Variants in ADAMTS16 observed in about 807,000 individuals in gnomAD.
The protein encoded by ADAMTS16 is ADAM metallopeptidase with thrombospondin type 1 motif 16.
ADAMTS16 carries 94 observed loss-of-function variants against 145.8 expected under a neutral mutation model. The observed-to-expected ratio is 0.64, with a 90% CI of 0.55 to 0.77. The LOEUF (loss-of-function observed/expected upper bound fraction) is 0.77, where lower values mean the gene tolerates loss of function less well. Ranked by LOEUF, ADAMTS16 falls within the 30% of genes least tolerant of loss-of-function variation. ADAMTS16 has a pLI of 0.00. For missense variants in ADAMTS16, 1,585 were observed against 1,591.5 expected (o/e 1.00, Z 0.07); for synonymous variants, 659 against 604.3 (o/e 1.09, Z -1.33).
At chr5:5,224,828 G>A (rs1373934748) in intron 11 of ADAMTS16, among the ~76,000 whole-genome samples, 1 of 152,126 alleles carries the variant, frequency 6.6e-6, no homozygotes, top group Non-Finnish European at 1.5e-5. Context: ...GAAACACAAG[G>A]TGGTCCTCCA....
chr5:5,247,861 C>T (rs1030432656), intron 17 of ADAMTS16, among the ~76,000 whole-genome samples: 3 of 152,244 alleles, frequency 2.0e-5, no homozygotes, highest in African/African-American at 7.2e-5. Flanking sequence ...CCTCAGCCTC[C>T]AAGCTCTAGT....
rs1210316588 is a variant in ADAMTS16 at position 5,236,950 on chromosome 5, G to T, written c.2024-19G>T. 1.9e-6 allele frequency: 3 copies of T among 1,600,246 alleles called. No homozygotes were observed. Among genetic ancestry groups the T allele is most frequent in the Non-Finnish European group, 2.6e-6 (3 of 1,173,792 alleles). On this transcript the variant is annotated intron_variant, in intron 13 of 22. Transcript: ENST00000274181. ...AAGTATTTTTCTTATTTGTGTTTGT[G>T]TGTGTATTTCTTTTTAAGATCAGGA...
intron 4 of ADAMTS16, among the ~76,000 whole-genome samples, chr5:5,184,154 C>T (rs1054173901): frequency 6.6e-6 from 1 of 152,142 alleles, no homozygotes; most frequent in Non-Finnish European, 1.5e-5. Flanking sequence ...TCCTCAGGGC[C>T]CTGTGTCACC....
Position 5,222,844 on chromosome 5 carries a change from T to G in ADAMTS16, c.1661T>G (p.Phe554Cys). ...ATTGGAAGGAAATGTGAGACTAAAT[T>G]TATGCCAGCAGCAGAAGGCACAATT... The part of the protein sequence containing the change: ...HRIGRKCETK[F>C]MPAAEGTICG... The change falls in exon 11 of 23, where the codon TTT becomes TGT. Residue 554 changes from phenylalanine (F) to cysteine (C), a missense_variant. Coordinates refer to ENST00000274181, the MANE Select transcript of ADAMTS16 (RefSeq NM_139056.4). 6.2e-7 allele frequency: 1 copy of G among 1,614,140 alleles called. No homozygotes were observed. The highest frequency in any genetic ancestry group is 1.1e-5 in the South Asian group (1 of 91,082).
chr5:5,217,067 AC>A (rs1736459790), intron 10 of ADAMTS16, among the ~76,000 whole-genome samples: 1 of 152,064 alleles, frequency 6.6e-6, no homozygotes, highest in Admixed American at 6.5e-5. Context: ...CAATAAACAT[AC>A]TTTGACAAAC....
intron 18 of ADAMTS16, among the ~76,000 whole-genome samples, chr5:5,285,961 T>C (rs890445794): frequency 3.3e-5 from 5 of 152,236 alleles, no homozygotes; most frequent in Non-Finnish European, 7.3e-5. Context: ...TGCAATTCTC[T>C]GTTGCGACTT....
rs188248706 is a variant in ADAMTS16 at position 5,248,586 on chromosome 5, T to C, written c.2662+6395T>C. Among the ~76,000 whole-genome samples the C allele has an allele frequency of 9.8e-4, 150 of 152,354 alleles. 1 individual carries two copies. In the South Asian group the frequency reaches 0.024, roughly 24 times the overall value. Reference sequence around the variant, plus strand: ...TTTCTTTCTGACAAAGTTAAGTGATTGTAAGTACTGCTGAGAAGTTGCTTC... The same window carrying C: ...TTTCTTTCTGACAAAGTTAAGTGATCGTAAGTACTGCTGAGAAGTTGCTTC... On this transcript the variant is annotated intron_variant, in intron 17 of 22. Transcript: ENST00000274181.
At chr5:5,288,119 T>C (rs1236904681) in intron 18 of ADAMTS16, among the ~76,000 whole-genome samples, 2 of 151,594 alleles carry the variant, frequency 1.3e-5, no homozygotes, top group Non-Finnish European at 2.9e-5. Context: ...AAGGAAGGAG[T>C]CGTCACAGCG....
At chr5:5,191,655 A>G (rs768512108) in intron 7 of ADAMTS16, 30 bp from the exon 8 acceptor site, 3 of 1,531,952 alleles carry the variant, frequency 2.0e-6, no homozygotes, top group East Asian at 4.5e-5. Context: ...CAACACCGCT[A>G]TGTGTTCTTT....
In ADAMTS16 at chr5:5,239,766, G is replaced by T; in HGVS notation, c.2364G>T (p.Val788=). 2 of 1,614,120 alleles carry T rather than the reference G, an allele frequency of 1.2e-6. No homozygotes were observed. The highest frequency in any genetic ancestry group is 3.3e-4 in the Middle Eastern group (2 of 6,062). The change falls in exon 16 of 23, where the codon GTG becomes GTT. Residue 788 remains valine (V), a synonymous_variant. Transcript: ENST00000274181. ...EMNVSTSYIS[V]RNALRRYYLN... Reference sequence around the variant, plus strand: ...ACGTCTCTACCTCCTACATTTCTGTGCGCAATGCCCTCAGAAGGTACTACC... The same window carrying T: ...ACGTCTCTACCTCCTACATTTCTGTTCGCAATGCCCTCAGAAGGTACTACC...
intron 3 of ADAMTS16, among the ~76,000 whole-genome samples, chr5:5,165,114 C>T (rs77769694): frequency 1.3e-5 from 2 of 152,246 alleles, no homozygotes; most frequent in East Asian, 1.9e-4. Flanking sequence ...AGCAGTCACT[C>T]CAGCCCCACC....
At chr5:5,199,511 G>A (rs902216206) in intron 8 of ADAMTS16, among the ~76,000 whole-genome samples, 2 of 152,204 alleles carry the variant, frequency 1.3e-5, no homozygotes, top group Admixed American at 1.3e-4. Context: ...GACAGATTCA[G>A]GTCAAGCACA....
chr5:5,316,838 G>A (rs555524283), intron 21 of ADAMTS16, among the ~76,000 whole-genome samples: 1 of 152,312 alleles, frequency 6.6e-6, no homozygotes, highest in Non-Finnish European at 1.5e-5. Context: ...GGCTTGTCAA[G>A]GGCATTCCCT....
intron 3 of ADAMTS16, among the ~76,000 whole-genome samples, chr5:5,168,084 C>A (rs1376178986): frequency 6.6e-6 from 1 of 152,020 alleles, no homozygotes; most frequent in South Asian, 2.1e-4. Context: ...AATTGAAAAG[C>A]GTAACAAATA....
chr5:5,289,160 C>T (rs1222827167), intron 18 of ADAMTS16, among the ~76,000 whole-genome samples: 3 of 152,060 alleles, frequency 2.0e-5, no homozygotes, highest in African/African-American at 7.2e-5. Flanking sequence ...CATCTGTCCA[C>T]ATCATTGGTT....
chr5:5,182,199 C>A lies in ADAMTS16; in HGVS notation c.657C>A (p.Val219=). The A allele has an allele frequency of 6.2e-7, 1 of 1,614,172 alleles. No homozygotes were observed. The highest frequency in any genetic ancestry group is 8.5e-7 in the Non-Finnish European group (1 of 1,180,038). ...CCCATGCTCCTGGGGCCAGTGAGGT[C>A]CTGGTGACCTCAAGGACATGGGAGC... ...TEPHAPGASE[V]LVTSRTWELA... Residue 219 remains valine, a synonymous_variant, in exon 4 of 23, where the codon GTC becomes GTA. Transcript: ENST00000274181.
At chr5:5,183,539 G>T (rs537164918) in intron 4 of ADAMTS16, among the ~76,000 whole-genome samples, 2 of 152,218 alleles carry the variant, frequency 1.3e-5, no homozygotes, top group Admixed American at 1.3e-4. Context: ...TAGCAGGGCC[G>T]TCTTAACCGC....
At chr5:5,155,029 A>G (rs1057263304) in intron 3 of ADAMTS16, among the ~76,000 whole-genome samples, 1 of 152,142 alleles carries the variant, frequency 6.6e-6, no homozygotes, top group Admixed American at 6.5e-5. Context: ...TGCTCAAGCA[A>G]AAGTCCAGTA....
rs1738708166 is a variant in ADAMTS16 at position 5,276,631 on chromosome 5, G to T, written c.2789+13848G>T. On this transcript the variant is annotated intron_variant, in intron 18 of 22. Transcript: ENST00000274181. Reference sequence around the variant, plus strand: ...CAGGCCGAGAGCCAGGCGCTACGCAGCAGACACACTAGCATGGACAGTCTC... The same window carrying T: ...CAGGCCGAGAGCCAGGCGCTACGCATCAGACACACTAGCATGGACAGTCTC... Among the ~76,000 whole-genome samples the T allele has an allele frequency of 2.0e-5, 3 of 152,186 alleles. No homozygotes were observed. In the South Asian group the frequency reaches 6.2e-4, roughly 32 times the overall value.
Sources: gnomAD v4.1 joint callset for allele counts (sites outside exome capture counted in the v4.1 genomes callset) on GRCh38, gnomAD v4.1.1 for gene constraint, MANE v1.5 for transcripts, NCBI Gene and HGNC (gene_info 2026-07-23, HGNC 2026-07-21) for gene names.